Variants in DRD3 observed in about 807,000 individuals in gnomAD.
DRD3 encodes dopamine receptor D3.
In DRD3, 19 loss-of-function variants were observed where a neutral mutation model predicts 36.3. That is an observed-to-expected ratio of 0.52 (90% CI 0.36 to 0.77). The LOEUF is 0.77. Among genes scored for constraint, DRD3 ranks in the 30% least tolerant of loss-of-function variants. The pLI is 0.00. For missense variants in DRD3, 465 were observed against 505.3 expected (o/e 0.92, Z 0.77); for synonymous variants, 195 against 203.7 (o/e 0.96, Z 0.36).
At chr3:114,161,286 A>G (rs1007412878) in intron 2 of DRD3, among the ~76,000 whole-genome samples, 2 of 152,232 alleles carry the variant, frequency 1.3e-5, no homozygotes, top group African/African-American at 2.4e-5. Flanking sequence ...TAGCTTCCCA[A>G]TAAGAAAACA....
Position 114,171,729 on chromosome 3 carries a change from G to A in DRD3, c.264C>T (p.Tyr88=), listed in dbSNP as rs1219824933. ...GCACCTGAAGTCTACTCACCTCCAG[G>A]TATACCACCCAGGGCATCACCAAGG... ...VATLVMPWVV[Y]LEVTGGVWNF... is the part of the protein sequence containing the mutation. Residue 88 remains tyrosine (Y), a synonymous_variant, in exon 2 of 7, where the codon TAC becomes TAT. Coordinates refer to ENST00000383673, the MANE Select transcript of DRD3 (RefSeq NM_000796.6). The A allele has an allele frequency of 6.2e-7, 1 of 1,601,350 alleles. No homozygotes were observed.
intron 3 of DRD3, among the ~76,000 whole-genome samples, chr3:114,148,418 T>C (rs541234484): frequency 6.6e-6 from 1 of 152,318 alleles, no homozygotes; most frequent in South Asian, 2.1e-4. Context: ...TGAAGGCTTA[T>C]TTTAAAATCC....
intron 1 of DRD3, among the ~76,000 whole-genome samples, chr3:114,173,167 A>G (rs1284709144): frequency 2.0e-5 from 3 of 152,172 alleles, no homozygotes; most frequent in African/African-American, 7.2e-5. Context: ...ACAGCCATCT[A>G]TGAACCAGAA....
intron 1 of DRD3, among the ~76,000 whole-genome samples, chr3:114,191,156 G>A (rs528304224): frequency 2.0e-4 from 30 of 152,282 alleles, no homozygotes; most frequent in African/African-American, 5.8e-4. Flanking sequence ...AAACATGACC[G>A]ATAGATCTCT....
intron 6 of DRD3, 75 bp downstream of exon 6, chr3:114,131,043 G>A: frequency 6.6e-7 from 1 of 1,506,104 alleles, no homozygotes; most frequent in Non-Finnish European, 9.0e-7. Context: ...ATTTCCGATA[G>A]CATCTTCTAC....
Position 114,172,003 on chromosome 3 carries a change from G to A in DRD3, c.-11C>T. On this transcript the variant is annotated 5_prime_UTR_variant, in exon 2 of 7. Transcript: ENST00000383673. ...GCTCAGAGATGCCATAGCCCAGAGG[G>A]AGGTGCGTGATGCCAAGGGGCTTCC... The A allele has an allele frequency of 1.4e-6, 2 of 1,429,098 alleles. No homozygotes were observed. Among genetic ancestry groups the A allele is most frequent in the South Asian group, 3.2e-5 (2 of 62,336 alleles). 88.5% of individuals were successfully genotyped at this position (1,429,098 alleles called of 1,614,324 possible).
intron 1 of DRD3, among the ~76,000 whole-genome samples, chr3:114,185,674 T>A (rs2077971481): frequency 6.6e-6 from 1 of 152,064 alleles, no homozygotes. Flanking sequence ...TCATGTGCCT[T>A]GTAATTTTAT....
At chr3:114,181,400 A>G (rs186866106), upstream of DRD3, among the ~76,000 whole-genome samples, 152 of 152,168 alleles carry the variant, frequency 1.0e-3, no homozygotes, top group African/African-American at 3.6e-3. Context: ...GGACTTCACT[A>G]TAGGTGAAGA....
intron 2 of DRD3, among the ~76,000 whole-genome samples, chr3:114,162,591 C>T (rs372108417): frequency 3.5e-4 from 53 of 152,318 alleles, no homozygotes; most frequent in African/African-American, 1.3e-3. Context: ...ACTTTACATA[C>T]GTGGCCTCTA....
chr3:114,168,530 T>C (rs188032506), intron 2 of DRD3, among the ~76,000 whole-genome samples: 158 of 152,314 alleles, frequency 1.0e-3, no homozygotes, highest in Admixed American at 1.8e-3. Flanking sequence ...AGAAACATGC[T>C]TTAAGCTACT....
At chr3:114,138,501 T>G (rs945782849) in intron 5 of DRD3, among the ~76,000 whole-genome samples, 2 of 152,132 alleles carry the variant, frequency 1.3e-5, no homozygotes, top group Non-Finnish European at 2.9e-5. Context: ...CTCGTGAGAC[T>G]TATTCACTAT....
intron 5 of DRD3, among the ~76,000 whole-genome samples, chr3:114,134,055 C>T (rs898372752): frequency 3.3e-5 from 5 of 152,148 alleles, no homozygotes; most frequent in African/African-American, 1.2e-4. Context: ...GTTCTTCAGC[C>T]TTCTCATTGA....
chr3:114,169,911 G>A (rs966761834), intron 2 of DRD3, among the ~76,000 whole-genome samples: 6 of 152,126 alleles, frequency 3.9e-5, no homozygotes, highest in South Asian at 4.1e-4. Flanking sequence ...CTTTGTTACA[G>A]ACACCAAAAG....
chr3:114,160,844 T>C (rs1203431267), intron 2 of DRD3, among the ~76,000 whole-genome samples: 1 of 146,626 alleles, frequency 6.8e-6, no homozygotes, highest in Non-Finnish European at 1.5e-5. Flanking sequence ...CTGGATTCTC[T>C]CCACTACTCA....
At chr3:114,130,191 C>T (rs1478599387) in intron 6 of DRD3, among the ~76,000 whole-genome samples, 1 of 152,094 alleles carries the variant, frequency 6.6e-6, no homozygotes, top group African/African-American at 2.4e-5. Context: ...CCCAGGAGTT[C>T]AAGGCTGCAG....
chr3:114,136,841 G>A (rs1366250648), intron 5 of DRD3, among the ~76,000 whole-genome samples: 2 of 152,214 alleles, frequency 1.3e-5, no homozygotes, highest in African/African-American at 4.8e-5. Flanking sequence ...AAGGCTAATG[G>A]TGACCATGAA....
intron 2 of DRD3, among the ~76,000 whole-genome samples, chr3:114,161,220 C>G (rs2077730032): frequency 6.6e-6 from 1 of 152,136 alleles, no homozygotes; most frequent in Non-Finnish European, 1.5e-5. Context: ...CCTGAACAGG[C>G]CCAATGGCCA....
chr3:114,155,733 G>T (rs1165993388), intron 3 of DRD3, among the ~76,000 whole-genome samples: 2 of 152,060 alleles, frequency 1.3e-5, no homozygotes, highest in Non-Finnish European at 2.9e-5. Flanking sequence ...ATATAGGTGG[G>T]TGGAGTGTAT....
intron 3 of DRD3, 90 bp from the exon 4 acceptor site, chr3:114,147,647 C>G: frequency 6.8e-7 from 1 of 1,478,560 alleles, no homozygotes; most frequent in Non-Finnish European, 9.2e-7. Context: ...TTTTTGGAGA[C>G]AGGGTCTCAC....
Sources: allele counts gnomAD v4.1 joint callset (sites outside exome capture counted in the v4.1 genomes callset), GRCh38; gene constraint gnomAD v4.1.1; transcripts MANE v1.5; gene names NCBI Gene and HGNC (gene_info 2026-07-23, HGNC 2026-07-21).